Variants in MGMT observed in about 807,000 individuals in gnomAD.
The protein encoded by MGMT is methylated-DNA--protein-cysteine methyltransferase.
In MGMT, 14 loss-of-function variants were observed where a neutral mutation model predicts 15.9. The observed-to-expected ratio is 0.88, with a 90% confidence interval of 0.58 to 1.37. MGMT has a LOEUF of 1.37. MGMT is among the 40% of genes most tolerant of loss of function. The pLI, the probability that MGMT is intolerant of heterozygous loss-of-function variation, is 0.00. For missense variants in MGMT, 282 were observed against 268.1 expected (o/e 1.05, Z -0.36); for synonymous variants, 130 against 118.2 (o/e 1.10, Z -0.65).
At chr10:129,689,555 G>T (rs182756528) in intron 2 of MGMT, among the ~76,000 whole-genome samples, 7 of 152,352 alleles carry the variant, frequency 4.6e-5, no homozygotes, top group African/African-American at 1.4e-4. Flanking sequence ...TGTTTGTCAA[G>T]AAGACAGTGG....
In MGMT at chr10:129,591,697, C is replaced by T. The variant is rs183118556; in HGVS notation, c.125+55320C>T. Reference sequence around the variant, plus strand: ...CTGTAATCCCAGCACTTTGGGAGGCCGAGGTGGGTGGATCACAAGGTCAGG... The same window carrying T: ...CTGTAATCCCAGCACTTTGGGAGGCTGAGGTGGGTGGATCACAAGGTCAGG... On this transcript the variant is annotated intron_variant, in intron 2 of 4. Transcript: ENST00000651593. Among the ~76,000 whole-genome samples the T allele has an allele frequency of 6.5e-3, 984 of 152,214 alleles. 9 individuals carry two copies. The highest frequency in any genetic ancestry group is 0.022 in the African/African-American group (921 of 41,520).
chr10:129,625,396 AG>A (rs1422682117), intron 2 of MGMT, among the ~76,000 whole-genome samples: 6 of 152,240 alleles, frequency 3.9e-5, no homozygotes, highest in Admixed American at 2.0e-4. Context: ...CAAGATGCCA[AG>A]ATGTGTCAAG....
At chr10:129,648,227 A>T (rs1319375568) in intron 2 of MGMT, among the ~76,000 whole-genome samples, 1 of 152,194 alleles carries the variant, frequency 6.6e-6, no homozygotes, top group Non-Finnish European at 1.5e-5. Context: ...CGCGAACTCC[A>T]GTCTGTAGAG....
At chr10:129,749,442 C>T (rs867775113) in intron 3 of MGMT, among the ~76,000 whole-genome samples, 8 of 152,216 alleles carry the variant, frequency 5.3e-5, no homozygotes, top group South Asian at 2.1e-4. Flanking sequence ...TAGTTTTCTC[C>T]GTGTCTTCTG....
intron 2 of MGMT, among the ~76,000 whole-genome samples, chr10:129,641,072 A>G (rs1847323364): frequency 6.6e-6 from 1 of 152,254 alleles, no homozygotes; most frequent in South Asian, 2.1e-4. Context: ...GAAAAGTAAG[A>G]AATAAAACTT....
At chr10:129,479,641 G>T (rs951501636) in intron 1 of MGMT, among the ~76,000 whole-genome samples, 2 of 152,114 alleles carry the variant, frequency 1.3e-5, no homozygotes, top group Admixed American at 1.3e-4. Flanking sequence ...TATGAAAAAA[G>T]GGAGAACAAG....
intron 2 of MGMT, among the ~76,000 whole-genome samples, chr10:129,685,420 T>C (rs1012955973): frequency 1.3e-5 from 2 of 152,176 alleles, no homozygotes; most frequent in Admixed American, 6.5e-5. Flanking sequence ...TGTCTTCCCC[T>C]CCCTGTCTAG....
At chr10:129,647,108 G>A (rs1847405683) in intron 2 of MGMT, among the ~76,000 whole-genome samples, 1 of 152,066 alleles carries the variant, frequency 6.6e-6, no homozygotes, top group African/African-American at 2.4e-5. Flanking sequence ...AGCCCCGGTA[G>A]CCCCCACGCC....
At chr10:129,522,316 T>A (rs1401908283) in intron 1 of MGMT, among the ~76,000 whole-genome samples, 1 of 152,206 alleles carries the variant, frequency 6.6e-6, no homozygotes, top group African/African-American at 2.4e-5. Flanking sequence ...CTTGGGCCCC[T>A]GGACACAGGT....
intron 2 of MGMT, among the ~76,000 whole-genome samples, chr10:129,608,471 G>A (rs887528797): frequency 2.0e-5 from 3 of 152,168 alleles, no homozygotes; most frequent in African/African-American, 7.2e-5. Context: ...CTAAAATAAA[G>A]CAAACAACCT....
chr10:129,587,360 T>A (rs1288741343), intron 2 of MGMT, among the ~76,000 whole-genome samples: 1 of 151,282 alleles, frequency 6.6e-6, no homozygotes, highest in Admixed American at 6.6e-5. Context: ...TAGTTTCTAT[T>A]ATGTTTTTGA....
chr10:129,500,619 G>A (rs938910392), intron 1 of MGMT, among the ~76,000 whole-genome samples: 4 of 152,024 alleles, frequency 2.6e-5, no homozygotes, highest in African/African-American at 9.7e-5. Flanking sequence ...GCAGTGGTGC[G>A]ATCTCAGCTC....
chr10:129,654,375 A>G (rs1474473913), intron 2 of MGMT, among the ~76,000 whole-genome samples: 1 of 151,962 alleles, frequency 6.6e-6, no homozygotes, highest in East Asian at 1.9e-4. Context: ...CACCTGCCAC[A>G]CTCTCCCATG....
chr10:129,663,032 CCAAA>C (rs747967346), intron 2 of MGMT, among the ~76,000 whole-genome samples: 7 of 152,052 alleles, frequency 4.6e-5, no homozygotes, highest in Non-Finnish European at 1.0e-4. Context: ...TACAGGAGAC[CCAAA>C]CAACCTATCC....
Position 129,708,006 on chromosome 10 carries a change from C to T in MGMT, c.237C>T (p.Phe79=). The change falls in exon 3 of 5, where the codon TTC becomes TTT. Residue 79 remains phenylalanine, a synonymous_variant. Coordinates refer to ENST00000651593, the MANE Select transcript of MGMT (RefSeq NM_002412.5). Reference sequence around the variant, plus strand: ...ACCAGCCCGAGGCTATCGAAGAGTTCCCCGTGCCGGCTCTTCACCATCCCG... The same window carrying T: ...ACCAGCCCGAGGCTATCGAAGAGTTTCCCGTGCCGGCTCTTCACCATCCCG... ...YFHQPEAIEE[F]PVPALHHPVF... 6 of 1,613,840 alleles carry T rather than the reference C, an allele frequency of 3.7e-6. No homozygotes were observed. Among genetic ancestry groups the T allele is most frequent in the Non-Finnish European group, 5.1e-6 (6 of 1,179,980 alleles).
In MGMT at chr10:129,467,279, C is replaced by T. The variant is rs1387593077; in HGVS notation, c.-30C>T. The stretch of plus-strand genomic sequence containing the variant: ...CCGACGCCCGCAGGTCCTCGCGGTG[C>T]GCACCGTTTGCGACTTGGTGAGTGT... On this transcript the variant is annotated 5_prime_UTR_variant, in exon 1 of 5. Coordinates refer to ENST00000651593, the MANE Select transcript of MGMT (RefSeq NM_002412.5). 1.9e-6 allele frequency: 3 copies of T among 1,543,514 alleles called. No homozygotes were observed. Among genetic ancestry groups the T allele is most frequent in the Non-Finnish European group, 1.7e-6 (2 of 1,145,176 alleles).
intron 2 of MGMT, among the ~76,000 whole-genome samples, chr10:129,630,870 C>G (rs927072212): frequency 6.6e-6 from 1 of 152,246 alleles, no homozygotes; most frequent in Non-Finnish European, 1.5e-5. Flanking sequence ...GCTTCCGATA[C>G]AGTTCACTTA....
intron 2 of MGMT, among the ~76,000 whole-genome samples, chr10:129,576,820 T>A (rs955374314): frequency 5.9e-5 from 9 of 152,352 alleles, no homozygotes; most frequent in South Asian, 2.1e-4. Context: ...CTTAAGCTGA[T>A]AAGCAACTTC....
chr10:129,556,090 T>C lies in MGMT; in HGVS notation c.125+19713T>C, dbSNP rs1419362656. 6.6e-6 allele frequency among the ~76,000 whole-genome samples: 1 copy of C among 152,190 alleles called. No homozygotes were observed. Among genetic ancestry groups the C allele is most frequent in the African/African-American group, 2.4e-5 (1 of 41,460 alleles). ...GTGTCTCCTCAGTTTACAGAGTCCA[T>C]GTTTTTGGTGACTCTTGCCTTGGAC... On this transcript the variant is annotated intron_variant, in intron 2 of 4. Coordinates refer to ENST00000651593, the MANE Select transcript of MGMT (RefSeq NM_002412.5). The surrounding 1 kb of genome is among the most constrained non-coding windows in gnomAD (Gnocchi z 4.3).
Sources: gnomAD v4.1 joint callset for allele counts (sites outside exome capture counted in the v4.1 genomes callset) on GRCh38, gnomAD v4.1.1 for gene constraint, Gnocchi (gnomAD v3.1) non-coding constraint, MANE v1.5 for transcripts, NCBI Gene and HGNC (gene_info 2026-07-23, HGNC 2026-07-21) for gene names.